The following DAB2 variants were observed in gnomAD, a reference collection of about 807,000 sequenced individuals.
DAB2 encodes the protein disabled homolog 2.
A neutral mutation model predicts 71.6 loss-of-function variants in DAB2; 28 were observed. The observed-to-expected ratio is 0.39, with a 90% CI of 0.29 to 0.54. DAB2 has a LOEUF of 0.54. DAB2 is among the 20% of genes least tolerant of loss of function. DAB2 has a pLI of 0.68. For missense variants in DAB2, 867 were observed against 928.8 expected, an observed-to-expected ratio of 0.93 and a Z score of 0.86; for synonymous variants, 345 against 339.7, an observed-to-expected ratio of 1.02 and a Z score of -0.17.
At chr5:39,379,657 T>C (rs527614650) in intron 11 of DAB2, among the ~76,000 whole-genome samples, 9 of 152,216 alleles carry the variant, frequency 5.9e-5, no homozygotes, top group African/African-American at 2.2e-4. Context: ...TATTACCTTC[T>C]GAGGCTAGAT....
chr5:39,412,748 C>T (rs1755759994), intron 1 of DAB2, among the ~76,000 whole-genome samples: 2 of 152,122 alleles, frequency 1.3e-5, no homozygotes, highest in South Asian at 4.1e-4. Context: ...ACAGTATCAT[C>T]CCTATTTGAC....
At chr5:39,386,249 C>A (rs982807844) in intron 9 of DAB2, among the ~76,000 whole-genome samples, 2 of 152,148 alleles carry the variant, frequency 1.3e-5, no homozygotes, top group African/African-American at 4.8e-5. Context: ...ACATAGTTTG[C>A]AACATGAGCA....
intron 1 of DAB2, among the ~76,000 whole-genome samples, chr5:39,405,789 G>C (rs944546921): frequency 1.3e-5 from 2 of 152,168 alleles, no homozygotes; most frequent in East Asian, 3.9e-4. Flanking sequence ...GTAGGGAAGA[G>C]AGATTGGCAA....
chr5:39,410,181 T>C lies in DAB2; in HGVS notation c.-102+14623A>G, dbSNP rs1475626515. On this transcript the variant is annotated intron_variant, in intron 1 of 14. Coordinates refer to ENST00000320816, the MANE Select transcript of DAB2 (RefSeq NM_001343.4). ...TAAAAACAAGATATCCTAGAAAAGC[T>C]ACCTGGTTATGTCATCAGCTAACAG... Among the ~76,000 whole-genome samples, 3 of 152,170 alleles carry C rather than the reference T, an allele frequency of 2.0e-5. No individual in the cohort carries two copies. The East Asian group carries it at 5.8e-4, about 29-fold the overall frequency.
chr5:39,411,356 T>A (rs901434303), intron 1 of DAB2, among the ~76,000 whole-genome samples: 1 of 152,112 alleles, frequency 6.6e-6, no homozygotes, highest in Non-Finnish European at 1.5e-5. Context: ...TTCAGAGCAG[T>A]CTCCTCTGTT....
At chr5:39,381,341 G>T (rs1754975510) in intron 11 of DAB2, 113 bp downstream of exon 11, 3 of 1,086,916 alleles carry the variant, frequency 2.8e-6, no homozygotes, top group East Asian at 4.8e-5. Context: ...TCCCTGGGAT[G>T]CTCAAATCTT....
chr5:39,400,357 C>T (rs1485183557), intron 1 of DAB2, among the ~76,000 whole-genome samples: 3 of 151,980 alleles, frequency 2.0e-5, no homozygotes, highest in Admixed American at 6.5e-5. Context: ...CTCAGCCTCC[C>T]GAGTAGCTGG....
chr5:39,410,055 T>C (rs1340498475), intron 1 of DAB2, among the ~76,000 whole-genome samples: 1 of 152,192 alleles, frequency 6.6e-6, no homozygotes. Flanking sequence ...TTTTCTAATA[T>C]GTACACTCCA....
At chr5:39,418,934 A>G (rs1193786582) in intron 1 of DAB2, among the ~76,000 whole-genome samples, 1 of 152,250 alleles carries the variant, frequency 6.6e-6, no homozygotes, top group Non-Finnish European at 1.5e-5. Flanking sequence ...AATGAAGCTC[A>G]GGCCTTATAT....
At chr5:39,400,286 G>A (rs908210467) in intron 1 of DAB2, among the ~76,000 whole-genome samples, 1 of 151,422 alleles carries the variant, frequency 6.6e-6, no homozygotes, top group Non-Finnish European at 1.5e-5. Flanking sequence ...AGGCTGGAGT[G>A]CAGTGGCGCA....
At chr5:39,408,991 AC>A (rs1755664970) in intron 1 of DAB2, among the ~76,000 whole-genome samples, 1 of 152,182 alleles carries the variant, frequency 6.6e-6, no homozygotes, top group Non-Finnish European at 1.5e-5. Context: ...TTTTTTGTAT[AC>A]AAGGGAGAGA....
intron 4 of DAB2, 78 bp downstream of exon 4, chr5:39,392,287 G>A (rs1755249499): frequency 1.9e-6 from 2 of 1,026,788 alleles, no homozygotes; most frequent in Non-Finnish European, 3.1e-6. Flanking sequence ...GAACGAAGAA[G>A]GGGAGCCGAA....
At chr5:39,424,540 T>G (rs1756061071) in intron 1 of DAB2, among the ~76,000 whole-genome samples, 1 of 149,632 alleles carries the variant, frequency 6.7e-6, no homozygotes, top group African/African-American at 2.5e-5. Context: ...AAGGAGGCGT[T>G]TGTTAAATGT....
chr5:39,392,829 CAGAA>C (rs1755267005), intron 3 of DAB2, among the ~76,000 whole-genome samples: 1 of 152,196 alleles, frequency 6.6e-6, no homozygotes, highest in African/African-American at 2.4e-5. Flanking sequence ...ATTCAAAAAA[CAGAA>C]AGGCTAGCGC....
At chr5:39,403,243 T>G (rs1251125972) in intron 1 of DAB2, among the ~76,000 whole-genome samples, 3 of 152,170 alleles carry the variant, frequency 2.0e-5, no homozygotes, top group Admixed American at 2.0e-4. Flanking sequence ...AAAGAGAGTT[T>G]GACTTGTCTA....
At chr5:39,400,836 G>A (rs1004454784) in intron 1 of DAB2, among the ~76,000 whole-genome samples, 1 of 152,142 alleles carries the variant, frequency 6.6e-6, no homozygotes, top group Non-Finnish European at 1.5e-5. Context: ...TGTTTAGAAT[G>A]TCCAGTACTT....
chr5:39,401,501 G>C (rs1755497682), intron 1 of DAB2, among the ~76,000 whole-genome samples: 1 of 152,140 alleles, frequency 6.6e-6, no homozygotes, highest in Non-Finnish European at 1.5e-5. Context: ...TCAGGCTTGT[G>C]AGTCCCACCC....
intron 1 of DAB2, among the ~76,000 whole-genome samples, chr5:39,404,320 A>G (rs1755562736): frequency 6.6e-6 from 1 of 151,668 alleles, no homozygotes; most frequent in South Asian, 2.1e-4. Context: ...GGTGCGGCAC[A>G]CCAACATGGC....
At chr5:39,379,777 G>T (rs1185238832) in intron 11 of DAB2, among the ~76,000 whole-genome samples, 1 of 150,774 alleles carries the variant, frequency 6.6e-6, no homozygotes, top group Non-Finnish European at 1.5e-5. Context: ...GCGGAAGCCA[G>T]ACCTACAACC....
Sources: allele counts gnomAD v4.1 joint callset (sites outside exome capture counted in the v4.1 genomes callset), GRCh38; gene constraint gnomAD v4.1.1; transcripts MANE v1.5; gene names NCBI Gene and HGNC (gene_info 2026-07-23, HGNC 2026-07-21).